The following DHX33 variants were observed in gnomAD, a reference collection of about 807,000 sequenced individuals.
The protein encoded by DHX33 is DEAH-box helicase 33.
In DHX33, 42 loss-of-function variants were observed where a neutral mutation model predicts 72.5. The ratio of observed to expected loss-of-function variants is 0.58; its 90% CI spans 0.45 to 0.75. DHX33 has a LOEUF of 0.75. Ranked by LOEUF, DHX33 falls within the 30% of genes least tolerant of loss-of-function variation. The pLI, the probability that DHX33 is intolerant of heterozygous loss-of-function variation, is 0.00. For missense variants in DHX33, 842 were observed against 917.5 expected (o/e 0.92, Z 1.06); for synonymous variants, 358 against 366.1 (o/e 0.98, Z 0.25).
Position 5,450,405 on chromosome 17 carries a change from G to C in DHX33, c.1526C>G (p.Thr509Ser). The change falls in exon 10 of 12, where the codon ACC becomes AGC. Residue 509 changes from threonine to serine, a missense_variant and splice_region_variant. Transcript: ENST00000225296. ...GTGGAATTTGGGGGACATGAGGATG[G>C]TCTGCAAAGCAAAATTTAAAATTGT... ...AFPLEPKFAKTILMSPKFHCT... is the reference protein window; with the variant it reads ...AFPLEPKFAKSILMSPKFHCT... 1 of 1,613,564 alleles carries C rather than the reference G, an allele frequency of 6.2e-7. No individual in the cohort carries two copies. Among genetic ancestry groups the C allele is most frequent in the Non-Finnish European group, 8.5e-7 (1 of 1,179,538 alleles).
intron 8 of DHX33, among the ~76,000 whole-genome samples, chr17:5,451,693 A>G (rs887876944): frequency 1.3e-5 from 2 of 152,216 alleles, no homozygotes; most frequent in Admixed American, 6.5e-5. Context: ...AGTACCTATT[A>G]AAGAATAAAA....
chr17:5,453,936 GCGTCTTCGATACC>G lies in DHX33; in HGVS notation c.1179_1191del (p.Val394ArgfsTer32). Reference sequence around the variant, plus strand: ...GCCCTCCCTGTGCGCTGCCAAGCCTGCGTCTTCGATACCCGCTGCACTGCTAACACCTCAAGAC... The same window carrying G: ...GCCCTCCCTGTGCGCTGCCAAGCCTGCGCTGCACTGCTAACACCTCAAGAC... On this transcript the variant is annotated frameshift_variant, in exon 7 of 12. Coordinates refer to ENST00000225296, the MANE Select transcript of DHX33 (RefSeq NM_020162.4). LOFTEE classifies it high-confidence loss of function. 1.2e-6 allele frequency: 2 copies of G among 1,614,088 alleles called. No homozygotes were observed. Among genetic ancestry groups the G allele is most frequent in the Non-Finnish European group, 1.7e-6 (2 of 1,180,030 alleles).
Position 5,456,108 on chromosome 17 carries a change from G to A in DHX33, c.924C>T (p.Cys308=), listed in dbSNP as rs201999461. ...CTGGGAGGTGCTTTGCAATGTCTCG[G>A]CACGTCTTGCTCATGGCTTCGATCT... ...QEEIEAMSKT[C]RDIAKHLPDG... is the part of the protein sequence containing the mutation. Residue 308 remains cysteine (C), a synonymous_variant, in exon 5 of 12, where the codon TGC becomes TGT. Coordinates refer to ENST00000225296, the MANE Select transcript of DHX33 (RefSeq NM_020162.4). 83 of 1,614,090 alleles carry A rather than the reference G, an allele frequency of 5.1e-5. No individual in the cohort carries two copies. The highest frequency in any genetic ancestry group is 6.8e-5 in the Non-Finnish European group (80 of 1,180,042).
At chr17:5,452,281 T>G (rs1916958931) in intron 8 of DHX33, among the ~76,000 whole-genome samples, 1 of 152,260 alleles carries the variant, frequency 6.6e-6, no homozygotes, top group Non-Finnish European at 1.5e-5. Context: ...GGCTCACGCC[T>G]GTAATCCCAG....
At chr17:5,456,219 T>C (rs1236623370) in intron 4 of DHX33, 37 bp from the exon 5 acceptor site, 3 of 1,599,090 alleles carry the variant, frequency 1.9e-6, no homozygotes, top group Non-Finnish European at 2.6e-6. Flanking sequence ...TAGGCATTGA[T>C]AGAATTGCAG....
intron 10 of DHX33, among the ~76,000 whole-genome samples, chr17:5,449,539 T>C (rs552781286): frequency 8.5e-5 from 13 of 152,304 alleles, no homozygotes; most frequent in African/African-American, 3.1e-4. Flanking sequence ...CAGGTTCAAA[T>C]GATTCTCATG....
intron 6 of DHX33, among the ~76,000 whole-genome samples, chr17:5,454,282 C>T (rs539980689): frequency 6.6e-6 from 1 of 152,180 alleles, no homozygotes; most frequent in Non-Finnish European, 1.5e-5. Context: ...GGATGGCCAA[C>T]CCCTCCAGTT....
At chr17:5,461,526 A>G (rs1904620303) in intron 3 of DHX33, among the ~76,000 whole-genome samples, 1 of 151,470 alleles carries the variant, frequency 6.6e-6, no homozygotes, top group Non-Finnish European at 1.5e-5. Flanking sequence ...GGCTGAGGTA[A>G]GCAATGGCGT....
intron 11 of DHX33, among the ~76,000 whole-genome samples, chr17:5,447,510 G>C (rs1916703651): frequency 1.3e-5 from 2 of 152,136 alleles, no homozygotes; most frequent in African/African-American, 4.8e-5. Flanking sequence ...TGTAGTCCCA[G>C]CTACTCGGGA....
At position 5,444,561 on chromosome 17, in the gene DHX33, C is replaced by T; in HGVS notation, c.1816-48G>A. 6.4e-7 allele frequency: 1 copy of T among 1,573,148 alleles called. No homozygotes were observed. Among genetic ancestry groups the T allele is most frequent in the East Asian group, 2.2e-5 (1 of 44,452 alleles). On this transcript the variant is annotated intron_variant, in intron 11 of 11. Transcript: ENST00000225296. The surrounding 1 kb of genome is among the most constrained non-coding windows in gnomAD (Gnocchi z 4.9). The stretch of plus-strand genomic sequence containing the variant: ...ATGGAGCCGACCCCACACGTAAACA[C>T]TGGTCAGCACTACACAGCGTGTTGG...
Position 5,450,902 on chromosome 17 carries a change from G to C in DHX33, c.1429C>G (p.Leu477Val). 6.2e-7 allele frequency: 1 copy of C among 1,614,168 alleles called. No homozygotes were observed. Among genetic ancestry groups the C allele is most frequent in the South Asian group, 1.1e-5 (1 of 91,080 alleles). ...TCCTTATGTTCAAGAGCACCTAACA[G>C]GTCCAGTTGGGCAATGGCCGCCTGA... ...HIQAAIAQLDLLGALEHKDDQ... is the reference protein window; with the variant it reads ...HIQAAIAQLDVLGALEHKDDQ... Residue 477 changes from leucine to valine, a missense_variant, in exon 9 of 12, where the codon CTG becomes GTG. Leu to Val is a conservative substitution (Grantham distance 32). Transcript: ENST00000225296.
chr17:5,463,879 G>A (rs1369646148), intron 1 of DHX33, among the ~76,000 whole-genome samples, 190 bp from the exon 2 acceptor site: 1 of 151,890 alleles, frequency 6.6e-6, no homozygotes, highest in Non-Finnish European at 1.5e-5. Flanking sequence ...TTAGCCTGGT[G>A]TGGTTGCATG....
chr17:5,451,976 G>A (rs1050704186), intron 8 of DHX33, among the ~76,000 whole-genome samples: 1 of 151,918 alleles, frequency 6.6e-6, no homozygotes, highest in Non-Finnish European at 1.5e-5. Context: ...AGGTGGTTTA[G>A]GGATACATAC....
chr17:5,447,962 T>C (rs1035773012), intron 11 of DHX33, among the ~76,000 whole-genome samples: 1 of 152,202 alleles, frequency 6.6e-6, no homozygotes, highest in Non-Finnish European at 1.5e-5. Context: ...GCAAATCACC[T>C]GAGGTCAGGA....
intron 2 of DHX33, among the ~76,000 whole-genome samples, chr17:5,463,077 CAA>C (rs971085917): frequency 7.5e-6 from 1 of 132,580 alleles, no homozygotes; most frequent in African/African-American, 2.8e-5. Context: ...AGACTATCTC[CAA>C]AAAAAAAAAA....
intron 1 of DHX33, among the ~76,000 whole-genome samples, chr17:5,464,796 C>T (rs1438312425): frequency 2.0e-5 from 3 of 152,212 alleles, no homozygotes; most frequent in African/African-American, 7.2e-5. Context: ...CCTGGCCACT[C>T]CCCAGCCTGC....
At position 5,444,203 on chromosome 17, in the gene DHX33, G is replaced by C; in HGVS notation, c.*2C>G. On this transcript the variant is annotated 3_prime_UTR_variant, in exon 12 of 12. Coordinates refer to ENST00000225296, the MANE Select transcript of DHX33 (RefSeq NM_020162.4). The surrounding 1 kb of genome is among the most constrained non-coding windows in gnomAD (Gnocchi z 4.9). ...GTGATTCTGGCGGCATCCTGGGGCG[G>C]CTCAGTTTCTGGCGGTTCTCAGCTT... 9 of 1,610,516 alleles carry C rather than the reference G, an allele frequency of 5.6e-6. No individual in the cohort carries two copies. The highest frequency in any genetic ancestry group is 7.6e-6 in the Non-Finnish European group (9 of 1,177,108).
intron 11 of DHX33, among the ~76,000 whole-genome samples, chr17:5,445,083 CTTTT>C (rs936357910): frequency 1.4e-5 from 2 of 146,046 alleles, no homozygotes; most frequent in Non-Finnish European, 3.0e-5. Context: ...TTCTTTCTTT[CTTTT>C]TTTTTTTTTG....
At position 5,462,366 on chromosome 17, in the gene DHX33, T is replaced by G. The variant is rs1019892713; in HGVS notation, c.631A>C (p.Lys211Gln). The G allele has an allele frequency of 3.1e-6, 5 of 1,614,052 alleles. No homozygotes were observed. In the Admixed American group the frequency reaches 5.0e-5, roughly 16 times the overall value. The change falls in exon 3 of 12, where the codon AAA becomes CAA. Residue 211 changes from lysine to glutamine, a missense_variant. Transcript: ENST00000225296. ...TCCTTTCTCCTCTTCTGTGCAGCTT[T>G]CACCACTCCAAAGAGCACATCTGTG... ...IHTDVLFGVV[K>Q]AAQKRRKELG...
Sources: gnomAD v4.1 joint callset for allele counts (sites outside exome capture counted in the v4.1 genomes callset) on GRCh38, gnomAD v4.1.1 for gene constraint, Gnocchi (gnomAD v3.1) non-coding constraint, MANE v1.5 for transcripts, NCBI Gene and HGNC (gene_info 2026-07-23, HGNC 2026-07-21) for gene names.